FBXL17: variants seen among roughly 807,000 people sequenced by gnomAD.
FBXL17 encodes F-box/LRR-repeat protein 17.
In FBXL17, 22 loss-of-function variants were observed where a neutral mutation model predicts 66.2. The ratio of observed to expected loss-of-function variants is 0.33; its 90% CI spans 0.24 to 0.47. The LOEUF (loss-of-function observed/expected upper bound fraction) is 0.47, where lower values mean the gene tolerates loss of function less well. Ranked by LOEUF, FBXL17 falls within the 20% of genes least tolerant of loss-of-function variation. The probability of loss-of-function intolerance (pLI) is 1.00; values close to 1 mark genes in which losing one functional copy is unlikely to be tolerated. For missense variants in FBXL17, 878 were observed against 948.2 expected, an observed-to-expected ratio of 0.93 and a Z score of 0.97; for synonymous variants, 474 against 400.5, an observed-to-expected ratio of 1.18 and a Z score of -2.19.
chr5:108,151,697 T>G (rs1248755259), intron 6 of FBXL17, among the ~76,000 whole-genome samples: 1 of 152,140 alleles, frequency 6.6e-6, no homozygotes, highest in Non-Finnish European at 1.5e-5. Flanking sequence ...AATCTTTCTA[T>G]TACGCAAAAT....
intron 5 of FBXL17, among the ~76,000 whole-genome samples, chr5:108,218,961 T>C (rs1331631972): frequency 6.6e-6 from 1 of 152,196 alleles, no homozygotes; most frequent in Non-Finnish European, 1.5e-5. Context: ...TTATTTTGAG[T>C]GCCTAATCAA....
intron 4 of FBXL17, among the ~76,000 whole-genome samples, chr5:108,272,671 T>C (rs1012422768): frequency 1.3e-5 from 2 of 152,142 alleles, no homozygotes; most frequent in African/African-American, 4.8e-5. Context: ...ACAATTTCTA[T>C]AATAAATGAT....
rs1469148113 is a variant in FBXL17, at chr5:108,381,564, G to A, written c.128C>T (p.Pro43Leu). The change falls in exon 1 of 9, where the codon CCT (proline) becomes CTT (leucine). Residue 43 changes from proline to leucine, a missense_variant. Physicochemically the swap from Pro to Leu is moderately conservative, Grantham distance 98. This residue lies in a region of FBXL17 where 605 missense variants were observed against 509.5 expected (regional missense o/e 1.19). Transcript: ENST00000542267. ...CCGGCTCCGGGGCGCCGCCGGCTGA[G>A]GGGGCACCTTGGCTGGGGTCCGGCG... ...LPRRTPAKVPPQPAAPRSRDC... is the reference protein window; with the variant it reads ...LPRRTPAKVPLQPAAPRSRDC... The A allele has an allele frequency of 6.9e-6, 10 of 1,440,120 alleles. No homozygotes were observed. The highest frequency in any genetic ancestry group is 1.5e-5 in the African/African-American group (1 of 66,710). The allele number at this position is 1,440,120 out of a possible 1,614,324, so 89.2% of individuals were successfully genotyped here. A position where few individuals can be genotyped will look rare whatever the true frequency, so the allele number is the denominator to read the frequency against.
chr5:107,936,817 T>C (rs934943356), intron 7 of FBXL17, among the ~76,000 whole-genome samples: 3 of 152,092 alleles, frequency 2.0e-5, no homozygotes, highest in Non-Finnish European at 4.4e-5. Flanking sequence ...GACGACTTTT[T>C]AAAATATTTA....
intron 4 of FBXL17, among the ~76,000 whole-genome samples, chr5:108,253,771 T>C (rs1756459561): frequency 6.6e-6 from 1 of 152,118 alleles, no homozygotes; most frequent in African/African-American, 2.4e-5. Flanking sequence ...GGTGGATGGA[T>C]GGCTTAAGCC....
chr5:107,916,262 G>A (rs945221543), intron 7 of FBXL17, among the ~76,000 whole-genome samples: 8 of 152,188 alleles, frequency 5.3e-5, no homozygotes, highest in African/African-American at 1.9e-4. Context: ...TCTAAACATG[G>A]TTAAGGTCAT....
chr5:108,331,739 C>T (rs1760132909), intron 4 of FBXL17, among the ~76,000 whole-genome samples: 1 of 152,014 alleles, frequency 6.6e-6, no homozygotes, highest in African/African-American at 2.4e-5. Flanking sequence ...CATTCCTGAC[C>T]AACTACACCC....
intron 7 of FBXL17, among the ~76,000 whole-genome samples, chr5:107,914,430 T>A (rs973953633): frequency 6.6e-6 from 1 of 152,222 alleles, no homozygotes; most frequent in Non-Finnish European, 1.5e-5. Context: ...GTATTCTTTT[T>A]TAGATCCACA....
At chr5:108,209,331 A>G (rs1018514274) in intron 5 of FBXL17, among the ~76,000 whole-genome samples, 2 of 152,142 alleles carry the variant, frequency 1.3e-5, no homozygotes, top group Admixed American at 1.3e-4. Flanking sequence ...TCCTGGCCAG[A>G]ACTTCCAATA....
At chr5:108,156,948 TAACA>T (rs774571694) in intron 6 of FBXL17, among the ~76,000 whole-genome samples, 3 of 151,876 alleles carry the variant, frequency 2.0e-5, no homozygotes, top group South Asian at 2.1e-4. Flanking sequence ...AGGACTAAAC[TAACA>T]GTCTTTCAAA....
rs1754208404 is a variant in FBXL17, at chr5:108,012,399, G to A, written c.1822+8526C>T. On this transcript the variant is annotated intron_variant, in intron 7 of 8. Coordinates refer to ENST00000542267, the MANE Select transcript of FBXL17 (RefSeq NM_001163315.3). ...TTGGTATCAGCATGGCAAAGTTATA[G>A]TGAATAAGTAAATTAAACCTATTAA... 3.3e-5 allele frequency among the ~76,000 whole-genome samples: 5 copies of A among 152,146 alleles called. No individual in the cohort carries two copies. The South Asian group carries it at 1.0e-3, about 31-fold the overall frequency.
At chr5:107,974,314 T>C (rs1304500582) in intron 7 of FBXL17, among the ~76,000 whole-genome samples, 2 of 152,124 alleles carry the variant, frequency 1.3e-5, no homozygotes, top group Non-Finnish European at 2.9e-5. Flanking sequence ...AAAAAATAAC[T>C]TTATTGTGAA....
intron 4 of FBXL17, among the ~76,000 whole-genome samples, chr5:108,307,024 A>AC (rs1172207595): frequency 6.6e-6 from 1 of 151,962 alleles, no homozygotes; most frequent in Admixed American, 6.6e-5. Flanking sequence ...CCATCATGAA[A>AC]CCCAAAAAGT....
At chr5:108,341,795 A>G (rs1382057049) in intron 4 of FBXL17, among the ~76,000 whole-genome samples, 1 of 152,080 alleles carries the variant, frequency 6.6e-6, no homozygotes, top group Non-Finnish European at 1.5e-5. Flanking sequence ...AGCATTCCCC[A>G]TATTTTTCTG....
intron 8 of FBXL17, among the ~76,000 whole-genome samples, chr5:107,871,084 A>C (rs1748441353): frequency 6.9e-6 from 1 of 144,108 alleles, no homozygotes; most frequent in African/African-American, 2.5e-5. Context: ...AAAAAACCTC[A>C]TCTAAAAATC....
At chr5:108,244,740 A>G (rs1362603568) in intron 4 of FBXL17, among the ~76,000 whole-genome samples, 4 of 152,192 alleles carry the variant, frequency 2.6e-5, no homozygotes. Flanking sequence ...GTCCTATTCT[A>G]TATTTATTCA....
chr5:107,911,431 T>C (rs1247190704), intron 7 of FBXL17, among the ~76,000 whole-genome samples: 1 of 152,138 alleles, frequency 6.6e-6, no homozygotes, highest in African/African-American at 2.4e-5. Context: ...GAGGAGAATA[T>C]CTGACTTTGT....
intron 4 of FBXL17, among the ~76,000 whole-genome samples, chr5:108,258,455 T>C (rs1490870742): frequency 1.3e-5 from 2 of 152,234 alleles, no homozygotes; most frequent in East Asian, 3.9e-4. Flanking sequence ...TACCCTTTCA[T>C]ATGTTGGGGT....
rs183152014 is a variant in FBXL17 at position 108,356,305 on chromosome 5, T to C, written c.1375-7775A>G. On this transcript the variant is annotated intron_variant, in intron 3 of 8. Coordinates refer to ENST00000542267, the MANE Select transcript of FBXL17 (RefSeq NM_001163315.3). Reference sequence around the variant, plus strand: ...ATTATAGCTGAAGACTCTTAGCACATGATCCAGCAATCATGTACCTTGGTT... The same window carrying C: ...ATTATAGCTGAAGACTCTTAGCACACGATCCAGCAATCATGTACCTTGGTT... Among the ~76,000 whole-genome samples, 31 of 152,276 alleles carry C rather than the reference T, an allele frequency of 2.0e-4. No homozygotes were observed. In the East Asian group the frequency reaches 5.8e-3, roughly 28 times the overall value.
Sources: gnomAD v4.1 joint callset for allele counts (sites outside exome capture counted in the v4.1 genomes callset) on GRCh38, gnomAD v4.1.1 for gene constraint, gnomAD v4.1.1 regional missense constraint, MANE v1.5 for transcripts, NCBI Gene and HGNC (gene_info 2026-07-23, HGNC 2026-07-21) for gene names.